NXPH1: variants seen among roughly 807,000 people sequenced by gnomAD.
NXPH1 encodes neurexophilin 1.
Under a neutral mutation model 23.7 loss-of-function variants are expected in NXPH1, and 5 were observed. The observed-to-expected ratio is 0.21, with a 90% confidence interval of 0.11 to 0.44. The LOEUF (loss-of-function observed/expected upper bound fraction) is 0.44. Ranked by LOEUF, NXPH1 falls within the 20% of genes least tolerant of loss-of-function variation. The pLI is 0.99. For missense variants in NXPH1, 324 were observed against 321.6 expected, an observed-to-expected ratio of 1.01 and a Z score of -0.06; for synonymous variants, 144 against 122.2, an observed-to-expected ratio of 1.18 and a Z score of -1.18.
chr7:8,628,601 A>G (rs1202838855), intron 2 of NXPH1, among the ~76,000 whole-genome samples: 1 of 151,954 alleles, frequency 6.6e-6, no homozygotes, highest in Non-Finnish European at 1.5e-5. Context: ...AAAAAAAAAG[A>G]ACTGGGGGGT....
At chr7:8,498,933 A>G (rs191713378) in intron 2 of NXPH1, among the ~76,000 whole-genome samples, 2 of 152,190 alleles carry the variant, frequency 1.3e-5, no homozygotes, top group East Asian at 3.9e-4. Context: ...AACTCTGATT[A>G]AATAAATGTC....
chr7:8,583,231 G>A (rs1818916736), intron 2 of NXPH1, among the ~76,000 whole-genome samples: 1 of 152,188 alleles, frequency 6.6e-6, no homozygotes, highest in African/African-American at 2.4e-5. Context: ...CCCAAAATAG[G>A]TACAGAGATC....
chr7:8,692,725 G>A (rs1368338869), intron 2 of NXPH1, among the ~76,000 whole-genome samples: 1 of 152,106 alleles, frequency 6.6e-6, no homozygotes, highest in Non-Finnish European at 1.5e-5. Flanking sequence ...TATCCTTTGT[G>A]TACACAATTG....
intron 2 of NXPH1, among the ~76,000 whole-genome samples, chr7:8,727,591 G>A (rs1211636271): frequency 6.6e-6 from 1 of 152,114 alleles, no homozygotes; most frequent in Non-Finnish European, 1.5e-5. Flanking sequence ...TTATTAAATA[G>A]GGAATCCTTT....
intron 2 of NXPH1, among the ~76,000 whole-genome samples, chr7:8,672,221 G>T (rs372246624): frequency 3.3e-5 from 5 of 151,970 alleles, no homozygotes; most frequent in Admixed American, 1.3e-4. Flanking sequence ...GCAAACTATC[G>T]CAAGGACAAA....
chr7:8,574,031 T>A (rs907994422), intron 2 of NXPH1, among the ~76,000 whole-genome samples: 18 of 152,050 alleles, frequency 1.2e-4, no homozygotes, highest in Non-Finnish European at 2.6e-4. Context: ...TTTAAGATGT[T>A]CTTAGGACCT....
rs964500999 is a variant in NXPH1, at chr7:8,610,452, A to G, written c.55-140556A>G. ...AGAGGAGCACACATCACTATGGCTT[A>G]TGACATTTCAGAAAACATAACTTAA... On this transcript the variant is annotated intron_variant, in intron 2 of 2. Transcript: ENST00000405863. Among the ~76,000 whole-genome samples the G allele has an allele frequency of 4.6e-5, 7 of 152,290 alleles. 1 individual carries two copies. In the East Asian group the frequency reaches 7.7e-4, roughly 17 times the overall value.
chr7:8,637,514 C>T (rs746577053), intron 2 of NXPH1, among the ~76,000 whole-genome samples: 23 of 152,162 alleles, frequency 1.5e-4, no homozygotes, highest in Admixed American at 2.0e-4. Flanking sequence ...TGTCAGCTAC[C>T]GCACCTGGCC....
intron 2 of NXPH1, among the ~76,000 whole-genome samples, chr7:8,518,286 T>C (rs1159527151): frequency 1.3e-5 from 2 of 152,144 alleles, no homozygotes; most frequent in Non-Finnish European, 2.9e-5. Flanking sequence ...CCTGGGTATG[T>C]AATATTTGTT....
intron 2 of NXPH1, among the ~76,000 whole-genome samples, chr7:8,484,129 A>C (rs911220983): frequency 6.6e-6 from 1 of 152,118 alleles, no homozygotes; most frequent in South Asian, 2.1e-4. Flanking sequence ...AGTGTCTTCC[A>C]TGTGCCAATC....
chr7:8,521,449 C>A (rs1473003749), intron 2 of NXPH1, among the ~76,000 whole-genome samples: 14 of 152,138 alleles, frequency 9.2e-5, no homozygotes, highest in African/African-American at 3.4e-4. Flanking sequence ...ATGTATGTCA[C>A]TTCTGGGCCA....
intron 2 of NXPH1, among the ~76,000 whole-genome samples, chr7:8,483,807 A>G (rs1352217013): frequency 6.6e-6 from 1 of 152,190 alleles, no homozygotes; most frequent in Non-Finnish European, 1.5e-5. Context: ...TCCAAGGTCC[A>G]TAGAAGTTTT....
rs1029915155 is a variant in NXPH1 at position 8,582,443 on chromosome 7, T to C, written c.54+146676T>C. On this transcript the variant is annotated intron_variant, in intron 2 of 2. Coordinates refer to ENST00000405863, the MANE Select transcript of NXPH1 (RefSeq NM_152745.3). ...GGTGGAGAGGAGCTTCACTGAGTGA[T>C]AGAATAGCTCGCAGGAGACTTGGAG... Among the ~76,000 whole-genome samples, 5 of 152,254 alleles carry C rather than the reference T, an allele frequency of 3.3e-5. No individual in the cohort carries two copies. In the South Asian group the frequency reaches 6.2e-4, roughly 19 times the overall value.
chr7:8,749,348 A>C (rs1024047027), intron 2 of NXPH1, among the ~76,000 whole-genome samples: 22 of 152,180 alleles, frequency 1.4e-4, no homozygotes, highest in African/African-American at 5.3e-4. Flanking sequence ...AGGGGCACAC[A>C]GCTTGGCAGT....
At chr7:8,490,027 A>G (rs868017264) in intron 2 of NXPH1, among the ~76,000 whole-genome samples, 3 of 152,076 alleles carry the variant, frequency 2.0e-5, no homozygotes, top group Admixed American at 2.0e-4. Context: ...GCCAGAGGCT[A>G]TTGTATTCCT....
chr7:8,516,131 C>T (rs1563333155), intron 2 of NXPH1, among the ~76,000 whole-genome samples: 1 of 152,150 alleles, frequency 6.6e-6, no homozygotes, highest in South Asian at 2.1e-4. Context: ...ATTCAAATAT[C>T]ACCAGTTATC....
intron 2 of NXPH1, among the ~76,000 whole-genome samples, chr7:8,683,842 T>C (rs1239317808): frequency 1.3e-5 from 2 of 151,992 alleles, no homozygotes; most frequent in East Asian, 3.9e-4. Context: ...AATTTAGAGA[T>C]TAATAGAGAT....
At chr7:8,627,857 A>G (rs991795101) in intron 2 of NXPH1, among the ~76,000 whole-genome samples, 2 of 152,154 alleles carry the variant, frequency 1.3e-5, no homozygotes, top group African/African-American at 2.4e-5. Flanking sequence ...GTACAATAAA[A>G]AAAGCCTCTT....
chr7:8,503,142 A>G (rs1432185366), intron 2 of NXPH1, among the ~76,000 whole-genome samples: 2 of 152,090 alleles, frequency 1.3e-5, no homozygotes, highest in East Asian at 1.9e-4. Flanking sequence ...ACAACAGACA[A>G]CAAAGGGTGA....
Sources: gnomAD v4.1 joint callset for allele counts (sites outside exome capture counted in the v4.1 genomes callset) on GRCh38, gnomAD v4.1.1 for gene constraint, MANE v1.5 for transcripts, NCBI Gene and HGNC (gene_info 2026-07-23, HGNC 2026-07-21) for gene names.